The following CENPP variants were observed in gnomAD, a reference collection of about 807,000 sequenced individuals.
The protein encoded by CENPP is centromere protein P.
A neutral mutation model predicts 35.6 loss-of-function variants in CENPP; 24 were observed. That is an observed-to-expected ratio of 0.67 (90% CI 0.49 to 0.95). The LOEUF (loss-of-function observed/expected upper bound fraction) is 0.95. Ranked by LOEUF, CENPP falls within the 40% of genes least tolerant of loss-of-function variation. CENPP has a pLI of 0.00. For synonymous variants in CENPP, 120 were observed against 125.5 expected (o/e 0.96, Z 0.29); for missense variants, 332 against 345.3 (o/e 0.96, Z 0.31).
At chr9:92,382,594 A>G (rs775818515) in intron 5 of CENPP, among the ~76,000 whole-genome samples, 6 of 152,228 alleles carry the variant, frequency 3.9e-5, no homozygotes, top group Non-Finnish European at 7.4e-5. Flanking sequence ...GCCAAATTCA[A>G]TGTCATAAAG....
At chr9:92,402,688 T>C (rs892068975) in intron 5 of CENPP, among the ~76,000 whole-genome samples, 3 of 152,208 alleles carry the variant, frequency 2.0e-5, no homozygotes, top group African/African-American at 7.2e-5. Context: ...ACTGTTAAAA[T>C]TGATTTAAAA....
chr9:92,571,307 A>G (rs1045045471), intron 5 of CENPP, among the ~76,000 whole-genome samples: 7 of 152,194 alleles, frequency 4.6e-5, no homozygotes, highest in African/African-American at 1.7e-4. Flanking sequence ...TTCAAAGAAC[A>G]TCTTTATTTC....
intron 5 of CENPP, among the ~76,000 whole-genome samples, chr9:92,605,027 C>A (rs1851036881): frequency 6.6e-6 from 1 of 152,166 alleles, no homozygotes; most frequent in Non-Finnish European, 1.5e-5. Context: ...GTTGCCCAGG[C>A]TGGAGTACAC....
chr9:92,475,098 C>G (rs1165015688), intron 5 of CENPP, among the ~76,000 whole-genome samples: 5 of 152,134 alleles, frequency 3.3e-5, no homozygotes, highest in African/African-American at 1.2e-4. Context: ...ATTGGGAACT[C>G]TAAAAATATC....
chr9:92,600,035 T>C (rs1017784537), intron 5 of CENPP, among the ~76,000 whole-genome samples: 34 of 152,366 alleles, frequency 2.2e-4, no homozygotes, highest in African/African-American at 8.2e-4. Context: ...CCATGTAGTC[T>C]GCTCAGTCAC....
In CENPP at chr9:92,569,322, G is replaced by A. The variant is rs193242376; in HGVS notation, c.565-41992G>A. On this transcript the variant is annotated intron_variant, in intron 5 of 7. Coordinates refer to ENST00000375587, the MANE Select transcript of CENPP (RefSeq NM_001012267.3). The stretch of plus-strand genomic sequence containing the variant: ...ATAGCTAGCCAGTTTTCCCAGCACC[G>A]TTTATTAAATAGGGAATCCTTTCCC... 4.1e-3 allele frequency among the ~76,000 whole-genome samples: 628 copies of A among 152,106 alleles called. 2 individuals carry two copies. Among genetic ancestry groups the A allele is most frequent in the Non-Finnish European group, 7.1e-3 (480 of 67,942 alleles).
rs951957322 is a variant in CENPP at position 92,611,504 on chromosome 9, A to C, written c.644+111A>C. On this transcript the variant is annotated intron_variant, in intron 6 of 7. Transcript: ENST00000375587. ...AGTAAACTACCTAACCAAGAACTAA[A>C]GGTCGTCGGTTGGAGGAATCAGTGG... 5.9e-5 allele frequency: 48 copies of C among 815,682 alleles called. No individual in the cohort carries two copies. The South Asian group carries it at 7.9e-4, about 13-fold the overall frequency. 50.5% of individuals were successfully genotyped at this position (815,682 alleles called of 1,614,324 possible).
chr9:92,416,109 T>A (rs530912377), intron 5 of CENPP, among the ~76,000 whole-genome samples: 3,105 of 146,128 alleles, frequency 0.021, 52 homozygotes, highest in South Asian at 0.066. Context: ...TTTTATTTTT[T>A]TTTTTTTTAA....
At chr9:92,551,102 T>C (rs570622249) in intron 5 of CENPP, among the ~76,000 whole-genome samples, 306 of 151,788 alleles carry the variant, frequency 2.0e-3, no homozygotes, top group Non-Finnish European at 2.5e-3. Flanking sequence ...CCTGGGGAGG[T>C]GGCTGTGGGA....
chr9:92,475,347 A>G (rs1845678400), intron 5 of CENPP, among the ~76,000 whole-genome samples: 1 of 152,214 alleles, frequency 6.6e-6, no homozygotes, highest in Non-Finnish European at 1.5e-5. Context: ...AATAAAAAAA[A>G]GCAAATATAA....
chr9:92,517,912 T>C (rs1488119801), intron 5 of CENPP: 2 of 1,611,672 alleles, frequency 1.2e-6, no homozygotes, highest in South Asian at 1.1e-5. Flanking sequence ...AAATTTCTTA[T>C]GTGATTATCA....
chr9:92,404,524 GT>G, intron 5 of CENPP: 1 of 1,297,208 alleles, frequency 7.7e-7, no homozygotes, highest in Non-Finnish European at 1.0e-6. Flanking sequence ...GTTTTTTGTG[GT>G]TTTCCTCAAT....
chr9:92,400,693 A>G (rs1667470549), intron 5 of CENPP, among the ~76,000 whole-genome samples: 1 of 152,246 alleles, frequency 6.6e-6, no homozygotes, highest in African/African-American at 2.4e-5. Context: ...TTTAATTGAA[A>G]TGTATGTGTA....
At chr9:92,597,752 C>T (rs891880945) in intron 5 of CENPP, among the ~76,000 whole-genome samples, 1 of 152,196 alleles carries the variant, frequency 6.6e-6, no homozygotes, top group African/African-American at 2.4e-5. Context: ...CTTTTCAAAG[C>T]TTAAAATTAC....
chr9:92,577,873 T>C (rs1588291230), intron 5 of CENPP, among the ~76,000 whole-genome samples: 1 of 151,622 alleles, frequency 6.6e-6, no homozygotes, highest in East Asian at 1.9e-4. Flanking sequence ...TATGTATACA[T>C]GTGCCATGCT....
In CENPP at chr9:92,544,085, C is replaced by G. The variant is rs146766724; in HGVS notation, c.565-67229C>G. 4.8e-3 allele frequency among the ~76,000 whole-genome samples: 730 copies of G among 152,316 alleles called. 5 individuals are homozygous for G. The highest frequency in any genetic ancestry group is 0.016 in the African/African-American group (662 of 41,582). ...CCAGTTTTATGTTGAATAGAAGTTG[C>G]GTGAGTCAGCACTGTTGTCTTATTC... On this transcript the variant is annotated intron_variant, in intron 5 of 7. Transcript: ENST00000375587.
chr9:92,619,263 A>T lies in CENPP; in HGVS notation c.*6114A>T, dbSNP rs927179250. On this transcript the variant is annotated 3_prime_UTR_variant, in exon 8 of 8. Coordinates refer to ENST00000375587, the MANE Select transcript of CENPP (RefSeq NM_001012267.3). ...AACAGTAACTTTCAATGTACTAACA[A>T]TCCTTTTAAGTTATTCTCCATAAAT... 1.9e-6 allele frequency: 1 copy of T among 531,246 alleles called. No homozygotes were observed. Among genetic ancestry groups the T allele is most frequent in the Non-Finnish European group, 3.4e-6 (1 of 295,452 alleles). 32.9% of individuals were successfully genotyped at this position (531,246 alleles called of 1,614,324 possible).
At chr9:92,495,473 T>G (rs1160289817) in intron 5 of CENPP, 2 of 984,428 alleles carry the variant, frequency 2.0e-6, no homozygotes, top group Non-Finnish European at 2.4e-6. Flanking sequence ...CAAAAATTTA[T>G]ACATTAGATT....
intron 5 of CENPP, among the ~76,000 whole-genome samples, chr9:92,533,412 TTTTG>T (rs1046798034): frequency 5.5e-5 from 8 of 144,572 alleles, no homozygotes; most frequent in South Asian, 2.4e-4. Context: ...CTTGCCTCCA[TTTTG>T]TTTGTTTGTT....
Sources: allele counts gnomAD v4.1 joint callset (sites outside exome capture counted in the v4.1 genomes callset), GRCh38; gene constraint gnomAD v4.1.1; transcripts MANE v1.5; gene names NCBI Gene and HGNC (gene_info 2026-07-23, HGNC 2026-07-21).